MPPED2: variants seen among roughly 807,000 people sequenced by gnomAD.
The protein encoded by MPPED2 is metallophosphoesterase MPPED2.
A neutral mutation model predicts 33.0 loss-of-function variants in MPPED2; 5 were observed. The observed-to-expected ratio is 0.15, with a 90% CI of 0.08 to 0.32. The LOEUF is 0.32. Among genes scored for constraint, MPPED2 ranks in the 10% least tolerant of loss-of-function variants. The probability of loss-of-function intolerance (pLI) is 1.00; values close to 1 mark genes in which losing one functional copy is unlikely to be tolerated. For synonymous variants in MPPED2, 136 were observed against 141.9 expected, an observed-to-expected ratio of 0.96 and a Z score of 0.29; for missense variants, 275 against 372.1, an observed-to-expected ratio of 0.74 and a Z score of 2.15.
chr11:30,461,909 T>G (rs1397461162), intron 4 of MPPED2, among the ~76,000 whole-genome samples: 1 of 152,228 alleles, frequency 6.6e-6, no homozygotes, highest in East Asian at 1.9e-4. Context: ...GATTATCCTG[T>G]GTAAACATTG....
intron 4 of MPPED2, among the ~76,000 whole-genome samples, chr11:30,455,174 G>A (rs1025531482): frequency 6.6e-6 from 1 of 152,164 alleles, no homozygotes; most frequent in African/African-American, 2.4e-5. Flanking sequence ...AGTTTGAAAC[G>A]TCACTACATA....
chr11:30,473,371 C>A (rs192935458), intron 4 of MPPED2, among the ~76,000 whole-genome samples: 1 of 152,282 alleles, frequency 6.6e-6, no homozygotes, highest in East Asian at 1.9e-4. Flanking sequence ...CTCCATCTTG[C>A]CAAAGGTCCT....
At chr11:30,390,477 C>CAAA (rs1201279596) in intron 6 of MPPED2, among the ~76,000 whole-genome samples, 4 of 152,194 alleles carry the variant, frequency 2.6e-5, no homozygotes, top group African/African-American at 7.2e-5. Flanking sequence ...GCCCTGAAAC[C>CAAA]ATCCTTTGGT....
In MPPED2 at chr11:30,415,224, G is replaced by A. The variant is rs569925275; in HGVS notation, c.653-883C>T. Among the ~76,000 whole-genome samples the A allele has an allele frequency of 3.9e-5, 6 of 152,266 alleles. No homozygotes were observed. The East Asian group carries it at 1.2e-3, about 29-fold the overall frequency. ...TTCGGGCCAAACTGCAGACATGAAC[G>A]TTTAGTGTCTCTGTAAAGACATATT... On this transcript the variant is annotated intron_variant, in intron 5 of 6. Transcript: ENST00000358117.
chr11:30,517,549 T>C (rs368034363), intron 3 of MPPED2, among the ~76,000 whole-genome samples: 2 of 152,336 alleles, frequency 1.3e-5, no homozygotes, highest in African/African-American at 4.8e-5. Context: ...TCAGAAATTC[T>C]GGACTATCCA....
chr11:30,518,120 G>T (rs772888329), intron 3 of MPPED2, among the ~76,000 whole-genome samples: 7 of 152,144 alleles, frequency 4.6e-5, no homozygotes, highest in Non-Finnish European at 1.0e-4. Flanking sequence ...CCACAGAACA[G>T]CTACCAAGAA....
At chr11:30,427,731 A>C (rs1014681203) in intron 4 of MPPED2, among the ~76,000 whole-genome samples, 1 of 152,242 alleles carries the variant, frequency 6.6e-6, no homozygotes, top group Non-Finnish European at 1.5e-5. Flanking sequence ...TTGAAGAAAA[A>C]GAAACAGACG....
At chr11:30,583,127 A>ACTTTTC (rs1957248589) in intron 1 of MPPED2, among the ~76,000 whole-genome samples, 1 of 86,950 alleles carries the variant, frequency 1.2e-5, no homozygotes, top group African/African-American at 6.0e-5. Flanking sequence ...CCTGGAAAAG[A>ACTTTTC]CTTTTTCTTT....
chr11:30,565,302 G>T (rs1956400117), intron 2 of MPPED2, among the ~76,000 whole-genome samples: 1 of 152,116 alleles, frequency 6.6e-6, no homozygotes, highest in Non-Finnish European at 1.5e-5. Flanking sequence ...TTGGCATCCG[G>T]TGCATATTTA....
At position 30,494,314 on chromosome 11, in the gene MPPED2, G is replaced by C. The variant is rs186492059; in HGVS notation, c.536+982C>G. Among the ~76,000 whole-genome samples the C allele has an allele frequency of 2.5e-4, 38 of 152,234 alleles. 1 individual carries two copies. Among genetic ancestry groups the C allele is most frequent in the Admixed American group, 2.4e-3 (37 of 15,296 alleles). ...GCTGAATCTATGTGAAGGGTAGCAT[G>C]GTGACCTCCTCTCAAATCCTTCTGT... On this transcript the variant is annotated intron_variant, in intron 4 of 6. Transcript: ENST00000358117.
chr11:30,438,150 C>T (rs546399016), intron 4 of MPPED2, among the ~76,000 whole-genome samples: 1 of 152,244 alleles, frequency 6.6e-6, no homozygotes, highest in Middle Eastern at 3.4e-3. Context: ...ATATTGAGCC[C>T]TACTATGTGT....
At chr11:30,450,546 C>G (rs1437995549) in intron 4 of MPPED2, among the ~76,000 whole-genome samples, 2 of 152,100 alleles carry the variant, frequency 1.3e-5, no homozygotes, top group African/African-American at 4.8e-5. Context: ...AATGGGGGAA[C>G]TGGGATTTTT....
intron 2 of MPPED2, among the ~76,000 whole-genome samples, chr11:30,566,578 G>GTGAT (rs1956451718): frequency 6.6e-6 from 1 of 152,168 alleles, no homozygotes; most frequent in South Asian, 2.1e-4. Flanking sequence ...AAATGAATGA[G>GTGAT]TGATTACAAG....
chr11:30,401,282 G>A (rs1341711296), intron 6 of MPPED2, among the ~76,000 whole-genome samples: 5 of 152,180 alleles, frequency 3.3e-5, no homozygotes, highest in Admixed American at 3.3e-4. Flanking sequence ...CTGGTGCTGT[G>A]GTTAAGGCTA....
rs143627593 is a variant in MPPED2 at position 30,577,479 on chromosome 11, T to C, written c.128+2767A>G. On this transcript the variant is annotated intron_variant, in intron 2 of 6. Transcript: ENST00000358117. ...GCAAGTGGAAAAGACAAAATATCTT[T>C]ACCTCGGGGAGAGGAGCAAAGTTCT... 8.9e-3 allele frequency among the ~76,000 whole-genome samples: 1,356 copies of C among 152,328 alleles called. 13 individuals carry two copies. Among genetic ancestry groups the C allele is most frequent in the Middle Eastern group, 0.014 (4 of 294 alleles).
chr11:30,520,849 G>A (rs1402029119), intron 3 of MPPED2, among the ~76,000 whole-genome samples: 1 of 152,162 alleles, frequency 6.6e-6, no homozygotes, highest in Non-Finnish European at 1.5e-5. Context: ...AAGAAGAGTA[G>A]CAGCCAAGGG....
intron 4 of MPPED2, among the ~76,000 whole-genome samples, chr11:30,429,419 T>C (rs1948984244): frequency 6.6e-6 from 1 of 152,156 alleles, no homozygotes; most frequent in Non-Finnish European, 1.5e-5. Context: ...AAACGACTAG[T>C]TTCAGTCCAG....
intron 4 of MPPED2, among the ~76,000 whole-genome samples, chr11:30,434,891 G>A (rs567666359): frequency 6.6e-6 from 1 of 152,028 alleles, no homozygotes; most frequent in South Asian, 2.1e-4. Context: ...AATGAGGAAA[G>A]GTCCACAGTG....
At chr11:30,527,528 G>C (rs1432653034) in intron 3 of MPPED2, among the ~76,000 whole-genome samples, 1 of 152,036 alleles carries the variant, frequency 6.6e-6, no homozygotes, top group East Asian at 1.9e-4. Context: ...GAGGGGAACA[G>C]AGGGGAGAGG....
Sources: allele counts gnomAD v4.1 joint callset (sites outside exome capture counted in the v4.1 genomes callset), GRCh38; gene constraint gnomAD v4.1.1; transcripts MANE v1.5; gene names NCBI Gene and HGNC (gene_info 2026-07-23, HGNC 2026-07-21).